OLAH: variants seen among roughly 807,000 people sequenced by gnomAD.
OLAH encodes oleoyl-ACP hydrolase.
Under a neutral mutation model 27.8 loss-of-function variants are expected in OLAH, and 33 were observed. The observed-to-expected ratio is 1.19, with a 90% CI of 0.90 to 1.59. The LOEUF (loss-of-function observed/expected upper bound fraction) is 1.59. Among genes scored for constraint, OLAH ranks in the 40% most tolerant of loss-of-function variants. The pLI, the probability that OLAH is intolerant of heterozygous loss-of-function variation, is 0.00. For missense variants in OLAH, 359 were observed against 310.8 expected, an observed-to-expected ratio of 1.16 and a Z score of -1.17; for synonymous variants, 120 against 102.9, an observed-to-expected ratio of 1.17 and a Z score of -1.01.
intron 5 of OLAH, 117 bp downstream of exon 5, chr10:15,064,619 G>A: frequency 5.0e-6 from 3 of 604,006 alleles, no homozygotes; most frequent in Non-Finnish European, 5.6e-6. Flanking sequence ...TGATGGTGGG[G>A]ATACTAATAG....
chr10:15,049,645 A>G lies in OLAH; in HGVS notation c.43A>G (p.Ile15Val). The G allele has an allele frequency of 1.3e-6, 2 of 1,587,836 alleles. No homozygotes were observed. The highest frequency in any genetic ancestry group is 1.2e-5 in the South Asian group (1 of 86,380). Residue 15 changes from isoleucine to valine, a missense_variant, in exon 3 of 8, where the codon ATT (isoleucine) becomes GTT (valine). Transcript: ENST00000378228. Reference protein sequence around the residue: ...DQPKRTRNENIFNCLYKNPEA... With the variant: ...DQPKRTRNENVFNCLYKNPEA... ...GAATTTTCTCCCTAGGAATGAAAAC[A>G]TTTTCAACTGCTTATACAAAAACCC...
chr10:15,034,999 G>T (rs1463610750), intron 1 of OLAH, among the ~76,000 whole-genome samples: 4 of 151,824 alleles, frequency 2.6e-5, no homozygotes, highest in Non-Finnish European at 5.9e-5. Context: ...ACAGGGTTTC[G>T]CCATGTTGGC....
chr10:15,059,864 C>T (rs1589248378), intron 3 of OLAH, among the ~76,000 whole-genome samples: 1 of 152,170 alleles, frequency 6.6e-6, no homozygotes, highest in East Asian at 1.9e-4. Flanking sequence ...CTATGTCTCT[C>T]TTCTGTGGCT....
At chr10:15,056,539 CA>C (rs1844249098) in intron 3 of OLAH, among the ~76,000 whole-genome samples, 1 of 152,122 alleles carries the variant, frequency 6.6e-6, no homozygotes, top group African/African-American at 2.4e-5. Context: ...TAAGATTAGA[CA>C]TTTTTTTCAC....
At chr10:15,059,228 C>T (rs1435170570) in intron 3 of OLAH, among the ~76,000 whole-genome samples, 1 of 141,794 alleles carries the variant, frequency 7.1e-6, no homozygotes, top group Non-Finnish European at 1.5e-5. Flanking sequence ...CATCCTGTCT[C>T]CCAGCTTCAG....
chr10:15,067,469 T>C (rs958203760), intron 6 of OLAH, among the ~76,000 whole-genome samples: 2 of 152,102 alleles, frequency 1.3e-5, no homozygotes, highest in Non-Finnish European at 2.9e-5. Flanking sequence ...GAGCTATTTT[T>C]AAAAAACAAA....
chr10:15,040,289 C>G (rs11813467), upstream of OLAH, among the ~76,000 whole-genome samples: 40,062 of 152,020 alleles, frequency 0.26, 5,863 homozygotes, highest in East Asian at 0.48. Flanking sequence ...TGGGTCAACC[C>G]ATCTGTTCAC....
Position 15,047,459 on chromosome 10 carries a change from C to G in OLAH, c.32+139C>G. On this transcript the variant is annotated intron_variant, in intron 2 of 7. Coordinates refer to ENST00000378228, the MANE Select transcript of OLAH (RefSeq NM_001039702.3). ...CTTGTAATCCCAGCACTTTGGGAGC[C>G]TGAGGCAGGTGAATTACCTGAGGTC... is the stretch of plus-strand genomic sequence containing the variant. 23 of 830,030 alleles carry G rather than the reference C, an allele frequency of 2.8e-5. 1 individual carries two copies. In the South Asian group the frequency reaches 3.3e-4, roughly 12 times the overall value. The allele number at this position is 830,030 out of a possible 1,614,324, so 51.4% of individuals were successfully genotyped here. A position where few individuals can be genotyped will look rare whatever the true frequency, so the allele number is the denominator to read the frequency against.
At chr10:15,058,996 C>T (rs569680453) in intron 3 of OLAH, among the ~76,000 whole-genome samples, 1 of 130,020 alleles carries the variant, frequency 7.7e-6, no homozygotes, top group East Asian at 2.5e-4. Context: ...TCTCTCCTTC[C>T]CTCTCTCCTT....
intron 3 of OLAH, among the ~76,000 whole-genome samples, chr10:15,054,709 A>T (rs1238231128): frequency 6.6e-6 from 1 of 151,886 alleles, no homozygotes; most frequent in Non-Finnish European, 1.5e-5. Flanking sequence ...CTTGTACTCC[A>T]TATCTAATTC....
intron 2 of OLAH, among the ~76,000 whole-genome samples, chr10:15,048,438 G>A (rs979427278): frequency 2.0e-5 from 3 of 152,146 alleles, no homozygotes; most frequent in Admixed American, 2.0e-4. Context: ...GGCTGGTCTC[G>A]AACTCCTCAC....
intron 3 of OLAH, among the ~76,000 whole-genome samples, chr10:15,058,586 GA>G (rs904899729): frequency 6.6e-6 from 1 of 151,352 alleles, no homozygotes; most frequent in African/African-American, 2.4e-5. Flanking sequence ...ATTTTAAAGT[GA>G]AAAAAAATGT....
chr10:15,071,067 ACCAT>A (rs1363633137), intron 6 of OLAH, among the ~76,000 whole-genome samples: 2 of 151,912 alleles, frequency 1.3e-5, no homozygotes, highest in African/African-American at 4.8e-5. Context: ...TATGGTGTGA[ACCAT>A]CACACCTGAC....
At chr10:15,033,968 G>A (rs533535046) in intron 1 of OLAH, among the ~76,000 whole-genome samples, 32 of 152,146 alleles carry the variant, frequency 2.1e-4, no homozygotes, top group African/African-American at 7.2e-4. Flanking sequence ...GGAAGAAGGA[G>A]GGGGAGGGAA....
intron 1 of OLAH, among the ~76,000 whole-genome samples, chr10:15,036,236 G>A (rs1843838736): frequency 6.6e-6 from 1 of 152,112 alleles, no homozygotes; most frequent in South Asian, 2.1e-4. Flanking sequence ...GGTGACTCAT[G>A]CCTGTAATCC....
chr10:15,055,598 G>T (rs1382468238), intron 3 of OLAH, among the ~76,000 whole-genome samples: 1 of 152,156 alleles, frequency 6.6e-6, no homozygotes, highest in African/African-American at 2.4e-5. Flanking sequence ...GAAATTATCA[G>T]AAATACTTTT....
In OLAH at chr10:15,073,189, T is replaced by C. The variant is rs1240238376; in HGVS notation, c.758T>C (p.Ile253Thr). Residue 253 changes from isoleucine to threonine, a missense_variant, in exon 8 of 8, where the codon ATA becomes ACA. Ile to Thr is a moderately conservative substitution (Grantham distance 89). Transcript: ENST00000378228. Reference protein sequence around the residue: ...PANEKLIKNYIIKCLEVSSIS... With the variant: ...PANEKLIKNYTIKCLEVSSIS... The stretch of plus-strand genomic sequence containing the variant: ...AACGAGAAATTAATCAAGAACTACA[T>C]AATCAAGTGTCTAGAAGTATCATCG... The C allele has an allele frequency of 6.2e-7, 1 of 1,607,662 alleles. No homozygotes were observed. Among genetic ancestry groups the C allele is most frequent in the African/African-American group, 1.3e-5 (1 of 74,886 alleles).
chr10:15,044,791 G>T (rs1276013275), intron 1 of OLAH, among the ~76,000 whole-genome samples: 1 of 152,056 alleles, frequency 6.6e-6, no homozygotes, highest in East Asian at 1.9e-4. Flanking sequence ...GCATTGCTGT[G>T]AGTCCATCCC....
intron 3 of OLAH, chr10:15,056,915 C>T (rs1844257083): frequency 1.3e-6 from 2 of 1,530,008 alleles, no homozygotes; most frequent in East Asian, 5.1e-5. Flanking sequence ...CTGGCGTGAG[C>T]CACCGTAGGC....
Sources: gnomAD v4.1 joint callset for allele counts (sites outside exome capture counted in the v4.1 genomes callset) on GRCh38, gnomAD v4.1.1 for gene constraint, MANE v1.5 for transcripts, NCBI Gene and HGNC (gene_info 2026-07-23, HGNC 2026-07-21) for gene names.